The following OTUB2 variants were observed in gnomAD, a reference collection of about 807,000 sequenced individuals.
The protein encoded by OTUB2 is OTU deubiquitinase, ubiquitin aldehyde binding 2.
Under a neutral mutation model 25.1 loss-of-function variants are expected in OTUB2, and 21 were observed. The ratio of observed to expected loss-of-function variants is 0.84; its 90% CI spans 0.59 to 1.21. The LOEUF is 1.21. Ranked by LOEUF, OTUB2 falls within the 50% of genes most tolerant of loss-of-function variation. The pLI is 0.00. For synonymous variants in OTUB2, 122 were observed against 122.8 expected (o/e 0.99, Z 0.04); for missense variants, 283 against 298.0 (o/e 0.95, Z 0.37).
In OTUB2 at chr14:94,045,892, C is replaced by T. The variant is rs771947993; in HGVS notation, c.675C>T (p.Tyr225=). Residue 225 remains tyrosine, a synonymous_variant, in exon 6 of 6, where the codon TAC becomes TAT. Transcript: ENST00000203664. ...ACCTGCTCTATAAAACATCCCACTA[C>T]AACATCCTTTATGCAGCCGATAAAC... The part of the protein sequence containing the change: ...SVYLLYKTSH[Y]NILYAADKH The T allele has an allele frequency of 6.2e-7, 1 of 1,614,258 alleles. No individual in the cohort carries two copies. Among genetic ancestry groups the T allele is most frequent in the Non-Finnish European group, 8.5e-7 (1 of 1,180,056 alleles).
At chr14:94,040,180 T>C (rs183552477) in intron 3 of OTUB2, among the ~76,000 whole-genome samples, 45 of 152,366 alleles carry the variant, frequency 3.0e-4, no homozygotes, top group African/African-American at 1.0e-3. Flanking sequence ...GTTCAAAATA[T>C]AGATGATCTC....
At chr14:94,045,606 C>T (rs909816070) in intron 5 of OTUB2, 110 bp from the exon 6 acceptor site, 10 of 1,049,952 alleles carry the variant, frequency 9.5e-6, no homozygotes, top group Admixed American at 4.5e-5. Context: ...GTGAAGATGA[C>T]GTCCCAGCAC....
Position 94,045,947 on chromosome 14 carries a change from C to T in OTUB2, c.*25C>T, listed in dbSNP as rs202058308. The T allele has an allele frequency of 1.8e-5, 29 of 1,604,686 alleles. No individual in the cohort carries two copies. Among genetic ancestry groups the T allele is most frequent in the East Asian group, 1.6e-4 (7 of 44,834 alleles). ...ATTAATTTTAGGCCATGCAGTGGAA[C>T]CTGTCACCTAATGGGACTGCATTCT... is the stretch of plus-strand genomic sequence containing the variant. On this transcript the variant is annotated 3_prime_UTR_variant, in exon 6 of 6. Transcript: ENST00000203664.
chr14:94,032,857 G>C (rs1884987925), intron 1 of OTUB2, among the ~76,000 whole-genome samples: 1 of 152,208 alleles, frequency 6.6e-6, no homozygotes, highest in Admixed American at 6.5e-5. Context: ...TGCCCACAGT[G>C]TGTCCTGAAG....
chr14:94,029,792 C>T (rs60647843), intron 1 of OTUB2, among the ~76,000 whole-genome samples: 18,507 of 152,210 alleles, frequency 0.12, 3,574 homozygotes, highest in African/African-American at 0.41. Context: ...GTCCCTGCCC[C>T]CATGGAATTG....
At chr14:94,042,920 C>T (rs1043754352) in intron 3 of OTUB2, among the ~76,000 whole-genome samples, 5 of 152,184 alleles carry the variant, frequency 3.3e-5, no homozygotes, top group Admixed American at 2.0e-4. Context: ...GAGGGGACTG[C>T]GGCTAGAAGC....
At chr14:94,027,152 C>T (rs1884881954) in intron 1 of OTUB2, among the ~76,000 whole-genome samples, 1 of 152,230 alleles carries the variant, frequency 6.6e-6, no homozygotes, top group Non-Finnish European at 1.5e-5. Context: ...GATGGAGAGC[C>T]TTGTCTGCGC....
At chr14:94,029,087 T>C (rs1884914357) in intron 1 of OTUB2, among the ~76,000 whole-genome samples, 1 of 152,132 alleles carries the variant, frequency 6.6e-6, no homozygotes, top group Non-Finnish European at 1.5e-5. Context: ...GTGCAGGGCC[T>C]CACTTGCTGT....
chr14:94,036,418 T>G (rs1427198015), intron 1 of OTUB2, among the ~76,000 whole-genome samples: 1 of 152,170 alleles, frequency 6.6e-6, no homozygotes, highest in Non-Finnish European at 1.5e-5. Flanking sequence ...AAACTATAAG[T>G]GGCTTTAACA....
chr14:94,047,814 G>GT lies in OTUB2; in HGVS notation c.*1895dup, dbSNP rs1885309733. The GT allele has an allele frequency of 6.6e-6, 1 of 152,224 alleles. No individual in the cohort carries two copies. Among genetic ancestry groups the GT allele is most frequent in the Admixed American group, 6.5e-5 (1 of 15,278 alleles). 9.4% of individuals were successfully genotyped at this position (152,224 alleles called of 1,614,324 possible). A position where few individuals can be genotyped will look rare whatever the true frequency, so the allele number is the denominator to read the frequency against. ...GTGTGGTAGCCTCAGAAGCAGAGCT[G>GT]TTTGGCAGACTGGCTGGAGAAATTC... On this transcript the variant is annotated 3_prime_UTR_variant, in exon 6 of 6. Coordinates refer to ENST00000203664, the MANE Select transcript of OTUB2 (RefSeq NM_023112.4).
chr14:94,037,263 G>A, intron 1 of OTUB2, 117 bp from the exon 2 acceptor site: 1 of 616,370 alleles, frequency 1.6e-6, no homozygotes, highest in Non-Finnish European at 2.9e-6. Context: ...GCATGAGAAG[G>A]TGGGAAGGTC....
At chr14:94,030,038 G>A (rs1738038098) in intron 1 of OTUB2, among the ~76,000 whole-genome samples, 2 of 152,194 alleles carry the variant, frequency 1.3e-5, no homozygotes, top group South Asian at 4.1e-4. Flanking sequence ...GGGCCACATG[G>A]GGTCAGACAT....
intron 1 of OTUB2, 83 bp downstream of exon 1, chr14:94,026,623 G>A: frequency 2.5e-6 from 3 of 1,202,060 alleles, no homozygotes; most frequent in South Asian, 3.9e-5. Flanking sequence ...GTGCACCCGC[G>A]GGACGGGGGT....
At chr14:94,041,469 T>G (rs1885160685) in intron 3 of OTUB2, among the ~76,000 whole-genome samples, 1 of 152,154 alleles carries the variant, frequency 6.6e-6, no homozygotes, top group Admixed American at 6.5e-5. Context: ...CCTTCTCTCT[T>G]TATTTTTTCT....
At chr14:94,031,785 T>G (rs1004301259) in intron 1 of OTUB2, among the ~76,000 whole-genome samples, 16 of 152,206 alleles carry the variant, frequency 1.1e-4, no homozygotes, top group Non-Finnish European at 2.4e-4. Flanking sequence ...CTAAATCTGT[T>G]TCCAAGCCAC....
intron 4 of OTUB2, 49 bp from the exon 5 acceptor site, chr14:94,044,537 A>C: frequency 6.4e-7 from 1 of 1,555,384 alleles, no homozygotes. Flanking sequence ...ATGCAGAGGG[A>C]GGGCTGGGGC....
chr14:94,036,141 C>A (rs993264637), intron 1 of OTUB2, among the ~76,000 whole-genome samples: 2 of 152,142 alleles, frequency 1.3e-5, no homozygotes, highest in African/African-American at 4.8e-5. Flanking sequence ...TCAGAGGGCT[C>A]CTCTCTGAGC....
rs74589634 is a variant in OTUB2, at chr14:94,046,076, T to C, written c.*154T>C. On this transcript the variant is annotated 3_prime_UTR_variant, in exon 6 of 6. Transcript: ENST00000203664. ...CCCTGGGAACGAGGCCTATCCACTA[T>C]GGACTATGGTAACTTGGTAGGATTT... is the stretch of plus-strand genomic sequence containing the variant. 7 of 731,778 alleles carry C rather than the reference T, an allele frequency of 9.6e-6. No individual in the cohort carries two copies. The highest frequency in any genetic ancestry group is 1.8e-5 in the African/African-American group (1 of 56,280). The allele number at this position is 731,778 out of a possible 1,614,324, so 45.3% of individuals were successfully genotyped here.
At chr14:94,038,903 C>A in intron 2 of OTUB2, 60 bp from the exon 3 acceptor site, 1 of 1,503,940 alleles carries the variant, frequency 6.6e-7, no homozygotes. Context: ...AGTCCCAGTG[C>A]CCAAACCACA....
Sources: allele counts gnomAD v4.1 joint callset (sites outside exome capture counted in the v4.1 genomes callset), GRCh38; gene constraint gnomAD v4.1.1; transcripts MANE v1.5; gene names NCBI Gene and HGNC (gene_info 2026-07-23, HGNC 2026-07-21).